The following ACACB variants were observed in gnomAD, a reference collection of about 807,000 sequenced individuals.
The protein encoded by ACACB is acetyl-CoA carboxylase 2.
ACACB carries 209 observed loss-of-function variants against 278.8 expected under a neutral mutation model. The observed-to-expected ratio is 0.75, with a 90% CI of 0.67 to 0.84. ACACB has a LOEUF of 0.84. ACACB is among the 40% of genes least tolerant of loss of function. The pLI is 0.00. For missense variants in ACACB, 2,850 were observed against 3,269.0 expected (o/e 0.87, Z 3.13); for synonymous variants, 1,174 against 1,285.6 (o/e 0.91, Z 1.86).
At chr12:109,135,737 G>A (rs2042950370) in intron 1 of ACACB, among the ~76,000 whole-genome samples, 1 of 151,358 alleles carries the variant, frequency 6.6e-6, no homozygotes, top group African/African-American at 2.4e-5. Context: ...TGAAGTAGGG[G>A]TCCAACTTTT....
intron 2 of ACACB, among the ~76,000 whole-genome samples, chr12:109,145,077 A>G (rs1468137207): frequency 3.9e-5 from 6 of 151,968 alleles, no homozygotes; most frequent in Admixed American, 2.6e-4. Flanking sequence ...ATAGTTTCAA[A>G]ATGACTTTCC....
intron 2 of ACACB, among the ~76,000 whole-genome samples, chr12:109,166,582 C>T (rs773048002): frequency 6.8e-5 from 9 of 132,898 alleles, no homozygotes; most frequent in African/African-American, 2.6e-4. Context: ...CCAAGGAGGT[C>T]GAGGCTGCAG....
chr12:109,203,866 G>T (rs929338287), intron 19 of ACACB, among the ~76,000 whole-genome samples: 3 of 152,134 alleles, frequency 2.0e-5, no homozygotes, highest in African/African-American at 7.2e-5. Context: ...AGCATAGTGG[G>T]TGCTCAGAAA....
chr12:109,260,030 AG>A (rs2047337636), intron 47 of ACACB: 1 of 1,324,208 alleles, frequency 7.6e-7, no homozygotes, highest in Non-Finnish European at 1.0e-6. Context: ...TGTGATTGTC[AG>A]TGCTGTTATT....
At chr12:109,195,813 G>A (rs1408142097) in intron 16 of ACACB, among the ~76,000 whole-genome samples, 2 of 152,002 alleles carry the variant, frequency 1.3e-5, no homozygotes, top group African/African-American at 4.8e-5. Context: ...CCTATCTTCT[G>A]TGTCCAAGAT....
intron 2 of ACACB, among the ~76,000 whole-genome samples, chr12:109,166,397 G>T (rs1039550686): frequency 1.3e-5 from 2 of 152,016 alleles, no homozygotes; most frequent in African/African-American, 4.8e-5. Context: ...GGCCTCTTAA[G>T]GTGCTTTCAG....
chr12:109,201,781 C>T, intron 19 of ACACB, 80 bp downstream of exon 19: 1 of 1,547,158 alleles, frequency 6.5e-7, no homozygotes, highest in Non-Finnish European at 8.8e-7. Flanking sequence ...GACAGGTGGA[C>T]TCAAGGCTGG....
chr12:109,247,496 A>G, intron 39 of ACACB, 110 bp from the exon 40 acceptor site: 2 of 744,512 alleles, frequency 2.7e-6, no homozygotes, highest in Non-Finnish European at 4.7e-6. Flanking sequence ...TTGACATGTT[A>G]CTAACATGTT....
At chr12:109,180,503 A>C (rs1396013561) in intron 11 of ACACB, among the ~76,000 whole-genome samples, 4 of 152,252 alleles carry the variant, frequency 2.6e-5, no homozygotes, top group African/African-American at 7.2e-5. Flanking sequence ...CAGAGGCAAT[A>C]TCATCCCTGT....
chr12:109,179,200 T>C lies in ACACB; in HGVS notation c.1550T>C (p.Phe517Ser). 1.2e-6 allele frequency: 2 copies of C among 1,614,096 alleles called. No homozygotes were observed. The highest frequency in any genetic ancestry group is 1.1e-5 in the South Asian group (1 of 91,080). Residue 517 changes from phenylalanine (F) to serine (S), a missense_variant, in exon 10 of 53, where the codon TTT becomes TCT. Physicochemically the swap from Phe to Ser is radical, Grantham distance 155. Coordinates refer to ENST00000338432, the MANE Select transcript of ACACB (RefSeq NM_001093.4). ...CAGTATGGGAATGCTGTGTCTCTGT[T>C]TGGTCGCGACTGCTCCATCCAGCGG... The part of the protein sequence containing the change: ...ADQYGNAVSL[F>S]GRDCSIQRRH...
At chr12:109,166,755 C>T in intron 2 of ACACB, 106 bp from the exon 3 acceptor site, 1 of 1,378,696 alleles carries the variant, frequency 7.3e-7, no homozygotes, top group Non-Finnish European at 9.9e-7. Context: ...AGCAGGGGGG[C>T]TCTGGTGCAG....
rs74324758 is a variant in ACACB at position 109,169,938 on chromosome 12, T to C, written c.926-1867T>C. On this transcript the variant is annotated intron_variant, in intron 4 of 52. Transcript: ENST00000338432. ...AGGAGCAGCTGCTCTGGGATTTCTT[T>C]CTGTGTTTGCATATAAAGTGCCACA... 9.1e-3 allele frequency among the ~76,000 whole-genome samples: 1,393 copies of C among 152,276 alleles called. 33 individuals carry two copies. The highest frequency in any genetic ancestry group is 0.031 in the African/African-American group (1,304 of 41,564).
chr12:109,258,181 C>T, intron 45 of ACACB, 87 bp from the exon 46 acceptor site: 1 of 879,384 alleles, frequency 1.1e-6, no homozygotes, highest in South Asian at 1.7e-5. Flanking sequence ...GCATTCTCCT[C>T]CACGTGCCCT....
At chr12:109,209,854 T>C (rs1299470022) in intron 21 of ACACB, among the ~76,000 whole-genome samples, 1 of 141,098 alleles carries the variant, frequency 7.1e-6, no homozygotes. Context: ...CGTGTGTATA[T>C]ATGTATATAC....
intron 1 of ACACB, among the ~76,000 whole-genome samples, chr12:109,133,848 T>C (rs552932499): frequency 2.1e-5 from 1 of 46,732 alleles, no homozygotes; most frequent in Non-Finnish European, 4.2e-5. Context: ...TATATATATA[T>C]ATATATATAT....
chr12:109,130,511 G>A (rs1311710244), intron 1 of ACACB, among the ~76,000 whole-genome samples: 2 of 152,158 alleles, frequency 1.3e-5, no homozygotes, highest in Non-Finnish European at 2.9e-5. Flanking sequence ...TGGCTCTGTG[G>A]CTAATTGCAC....
intron 2 of ACACB, among the ~76,000 whole-genome samples, chr12:109,164,108 T>A (rs1212272250): frequency 6.6e-6 from 1 of 152,140 alleles, no homozygotes; most frequent in Non-Finnish European, 1.5e-5. Context: ...CCTATAAGCA[T>A]CTGGATATGA....
At chr12:109,178,485 G>A (rs760290229) in intron 9 of ACACB, among the ~76,000 whole-genome samples, 1 of 152,182 alleles carries the variant, frequency 6.6e-6, no homozygotes, top group Non-Finnish European at 1.5e-5. Flanking sequence ...ATAGAAGAAA[G>A]CCAGTTTGGA....
At chr12:109,189,605 G>C (rs566216113) in intron 13 of ACACB, among the ~76,000 whole-genome samples, 154 of 152,220 alleles carry the variant, frequency 1.0e-3, no homozygotes, top group African/African-American at 3.2e-3. Context: ...TGCTAAAATG[G>C]GGACCACCCC....
Sources: allele counts gnomAD v4.1 joint callset (sites outside exome capture counted in the v4.1 genomes callset), GRCh38; gene constraint gnomAD v4.1.1; transcripts MANE v1.5; gene names NCBI Gene and HGNC (gene_info 2026-07-23, HGNC 2026-07-21).